Variants in PRKCH observed in about 807,000 individuals in gnomAD.
PRKCH encodes protein kinase C eta type.
Under a neutral mutation model 82.5 loss-of-function variants are expected in PRKCH, and 28 were observed. The observed-to-expected ratio is 0.34, with a 90% CI of 0.25 to 0.47. The LOEUF is 0.47. Ranked by LOEUF, PRKCH falls within the 20% of genes least tolerant of loss-of-function variation. The probability of loss-of-function intolerance (pLI) is 1.00; values close to 1 mark genes in which losing one functional copy is unlikely to be tolerated. For synonymous variants in PRKCH, 322 were observed against 327.4 expected, an observed-to-expected ratio of 0.98 and a Z score of 0.18; for missense variants, 705 against 881.8, an observed-to-expected ratio of 0.80 and a Z score of 2.54.
At chr14:61,347,049 T>C (rs1239308467) in intron 1 of PRKCH, among the ~76,000 whole-genome samples, 3 of 152,186 alleles carry the variant, frequency 2.0e-5, no homozygotes, top group Non-Finnish European at 4.4e-5. Context: ...TCACCGGTGA[T>C]TCAGTTGTTT....
intron 1 of PRKCH, among the ~76,000 whole-genome samples, chr14:61,208,540 T>C (rs575662156): frequency 6.6e-6 from 1 of 152,102 alleles, no homozygotes; most frequent in East Asian, 1.9e-4. Flanking sequence ...CCCCAAGTTA[T>C]GAGATTGAAT....
At chr14:61,296,965 C>A (rs1300913012) in intron 1 of PRKCH, among the ~76,000 whole-genome samples, 2 of 152,206 alleles carry the variant, frequency 1.3e-5, no homozygotes, top group East Asian at 1.9e-4. Flanking sequence ...ACTCACATGA[C>A]AATGACTAAG....
rs754540967 is a variant in PRKCH, at chr14:61,188,704, AGTGT to A, written c.-19+1068_-19+1071del. Among the ~76,000 whole-genome samples the A allele has an allele frequency of 6.0e-3, 528 of 87,310 alleles. 11 individuals carry two copies. The highest frequency in any genetic ancestry group is 0.021 in the African/African-American group (482 of 23,040). The allele number at this position is 87,310 out of a possible 152,430, so 57.3% of individuals were successfully genotyped here. On this transcript the variant is annotated intron_variant, in intron 1 of 3. Transcript: ENST00000555185. The stretch of plus-strand genomic sequence containing the variant: ...CCTCCTCACCCCCAGACGTTGCTGT[AGTGT>A]GTGTGTGTGTGTGTGTGTGTGTGTG...
At chr14:61,322,881 T>A (rs2045647988) in intron 1 of PRKCH, 1 of 179,340 alleles carries the variant, frequency 5.6e-6, no homozygotes, top group Non-Finnish European at 1.2e-5. Flanking sequence ...AAGCCGTACA[T>A]TCTCGCGAGT....
chr14:61,236,107 G>A (rs1468387357), intron 1 of PRKCH, among the ~76,000 whole-genome samples: 2 of 152,160 alleles, frequency 1.3e-5, no homozygotes, highest in Non-Finnish European at 2.9e-5. Context: ...GGTGGCTCAC[G>A]CCTGTAACTC....
At chr14:61,289,356 A>G (rs2045341583) in intron 1 of PRKCH, among the ~76,000 whole-genome samples, 1 of 152,182 alleles carries the variant, frequency 6.6e-6, no homozygotes, top group Non-Finnish European at 1.5e-5. Context: ...GCAAGGAGTG[A>G]TTTTATTCTG....
intron 1 of PRKCH, among the ~76,000 whole-genome samples, chr14:61,282,187 C>T (rs926645516): frequency 6.6e-6 from 1 of 151,624 alleles, no homozygotes; most frequent in African/African-American, 2.4e-5. Context: ...GAGTGTCTGG[C>T]CTAAGGAAGT....
chr14:61,341,717 A>G (rs1459693756), intron 1 of PRKCH, among the ~76,000 whole-genome samples: 1 of 152,212 alleles, frequency 6.6e-6, no homozygotes, highest in Non-Finnish European at 1.5e-5. Context: ...AGTCAGTAGT[A>G]ACCAGGTCGA....
intron 2 of PRKCH, among the ~76,000 whole-genome samples, chr14:61,427,300 G>T (rs900808582): frequency 4.6e-5 from 7 of 152,156 alleles, no homozygotes; most frequent in Non-Finnish European, 1.0e-4. Context: ...AAGCTAAGGG[G>T]TTGTGGAGGC....
chr14:61,462,892 A>G (rs1235941950), intron 9 of PRKCH, among the ~76,000 whole-genome samples: 1 of 152,222 alleles, frequency 6.6e-6, no homozygotes, highest in Non-Finnish European at 1.5e-5. Flanking sequence ...CTAGCCGAGG[A>G]TCCCTTAGAT....
chr14:61,443,422 A>G (rs1019160916), intron 3 of PRKCH, among the ~76,000 whole-genome samples, 161 bp downstream of exon 3: 1 of 152,220 alleles, frequency 6.6e-6, no homozygotes, highest in Non-Finnish European at 1.5e-5. Context: ...TTAAATCTCC[A>G]TTGCAAAAAC....
chr14:61,370,613 A>G (rs2046353573), intron 1 of PRKCH, among the ~76,000 whole-genome samples: 1 of 152,226 alleles, frequency 6.6e-6, no homozygotes, highest in South Asian at 2.1e-4. Flanking sequence ...TCAGAGTGTA[A>G]TGGGCACAAT....
At chr14:61,527,543 C>T (rs1169601012) in intron 10 of PRKCH, among the ~76,000 whole-genome samples, 1 of 152,196 alleles carries the variant, frequency 6.6e-6, no homozygotes, top group Non-Finnish European at 1.5e-5. Flanking sequence ...CAGGTCTTAA[C>T]ATCTCTTCCC....
rs141727640 is a variant in PRKCH, at chr14:61,549,669, C to CT, written c.1906-6dup. 78,781 of 1,298,848 alleles carry CT rather than the reference C, an allele frequency of 0.061. 647 individuals are homozygous for CT. Among genetic ancestry groups the CT allele is most frequent in the Admixed American group, 0.12 (6,211 of 49,918 alleles). 80.5% of individuals were successfully genotyped at this position (1,298,848 alleles called of 1,614,324 possible). A position where few individuals can be genotyped will look rare whatever the true frequency, so the allele number is the denominator to read the frequency against. ...GCGCAAAAATCTCACCCTTGTTTCC[C>CT]TTTTTTTTTTGGCAGAAATCCCGAG... On this transcript the variant is annotated splice_polypyrimidine_tract_variant and intron_variant, in intron 13 of 13. Coordinates refer to ENST00000332981, the MANE Select transcript of PRKCH (RefSeq NM_006255.5).
intron 1 of PRKCH, among the ~76,000 whole-genome samples, chr14:61,385,106 G>T (rs1032650920): frequency 2.6e-5 from 4 of 151,706 alleles, no homozygotes; most frequent in Non-Finnish European, 5.9e-5. Context: ...GTGGTCTGTA[G>T]GGGAGGGGGT....
At chr14:61,380,114 A>G (rs1345278211) in intron 1 of PRKCH, among the ~76,000 whole-genome samples, 1 of 151,920 alleles carries the variant, frequency 6.6e-6, no homozygotes, top group South Asian at 2.1e-4. Flanking sequence ...TCCGGGGTGC[A>G]GTGTTGGAAT....
At chr14:61,515,541 G>A (rs2042812813) in intron 10 of PRKCH, among the ~76,000 whole-genome samples, 1 of 152,164 alleles carries the variant, frequency 6.6e-6, no homozygotes, top group Non-Finnish European at 1.5e-5. Context: ...ATCAGAATTT[G>A]GTCTTAGTGG....
At chr14:61,236,800 C>T (rs983324567) in intron 1 of PRKCH, among the ~76,000 whole-genome samples, 25 of 151,762 alleles carry the variant, frequency 1.6e-4, no homozygotes, top group Admixed American at 8.5e-4. Flanking sequence ...CTGGTGTCCT[C>T]GCTGCTACAC....
chr14:61,516,122 G>A (rs1285549103), intron 10 of PRKCH, among the ~76,000 whole-genome samples: 1 of 152,122 alleles, frequency 6.6e-6, no homozygotes, highest in Non-Finnish European at 1.5e-5. Flanking sequence ...AAATCAGACA[G>A]ACAGATGAGA....
Sources: allele counts gnomAD v4.1 joint callset (sites outside exome capture counted in the v4.1 genomes callset), GRCh38; gene constraint gnomAD v4.1.1; transcripts MANE v1.5; gene names NCBI Gene and HGNC (gene_info 2026-07-23, HGNC 2026-07-21).